Variants in KLC4 observed in about 807,000 individuals in gnomAD.
KLC4 encodes kinesin light chain 4.
Under a neutral mutation model 77.2 loss-of-function variants are expected in KLC4, and 49 were observed. The observed-to-expected ratio is 0.63, with a 90% CI of 0.50 to 0.80. The LOEUF (loss-of-function observed/expected upper bound fraction) is 0.80. Among genes scored for constraint, KLC4 ranks in the 30% least tolerant of loss-of-function variants. KLC4 has a pLI of 0.00. For missense variants in KLC4, 669 were observed against 793.5 expected, an observed-to-expected ratio of 0.84 and a Z score of 1.89; for synonymous variants, 274 against 314.5, an observed-to-expected ratio of 0.87 and a Z score of 1.36.
intron 1 of KLC4, chr6:43,059,957 C>T: frequency 7.5e-7 from 1 of 1,331,494 alleles, no homozygotes; most frequent in Non-Finnish European, 9.6e-7. Flanking sequence ...AGTCGTCCAT[C>T]CACACCTCCC....
chr6:43,066,956 C>G, intron 5 of KLC4, 40 bp from the exon 6 acceptor site: 1 of 1,587,652 alleles, frequency 6.3e-7, no homozygotes, highest in Non-Finnish European at 8.6e-7. Context: ...AGAAGGCTTG[C>G]GGGTTCAGGG....
At chr6:43,068,459 C>G (rs1232072559) in intron 6 of KLC4, among the ~76,000 whole-genome samples, 1 of 147,726 alleles carries the variant, frequency 6.8e-6, no homozygotes, top group Non-Finnish European at 1.5e-5. Context: ...GCAGCAAGAG[C>G]AAAACTCTGT....
intron 6 of KLC4, among the ~76,000 whole-genome samples, chr6:43,068,216 G>A (rs541110433): frequency 6.0e-5 from 9 of 151,042 alleles, no homozygotes; most frequent in African/African-American, 1.9e-4. Flanking sequence ...GCTCATGCCT[G>A]TAATCCCAGC....
intron 13 of KLC4, 115 bp from the exon 14 acceptor site, chr6:43,073,108 C>A: frequency 7.6e-7 from 1 of 1,320,846 alleles, no homozygotes; most frequent in Non-Finnish European, 1.0e-6. Context: ...ACTTTTATTT[C>A]CAGTCACTGG....
In KLC4 at chr6:43,067,769, A is replaced by G. The variant is rs566864588; in HGVS notation, c.879+686A>G. On this transcript the variant is annotated intron_variant, in intron 6 of 15. Coordinates refer to ENST00000347162, the MANE Select transcript of KLC4 (RefSeq NM_201521.3). ...GAGATCGTGCCATTGCACTCCAGCC[A>G]GGGTGACAGAGCGAGACTCCGTCTC... 2.4e-4 allele frequency among the ~76,000 whole-genome samples: 33 copies of G among 136,498 alleles called. No individual in the cohort carries two copies. In the South Asian group the frequency reaches 5.1e-3, roughly 21 times the overall value. The allele number at this position is 136,498 out of a possible 152,430, so 89.5% of individuals were successfully genotyped here.
At position 43,071,281 on chromosome 6, in the gene KLC4, T is replaced by TGTTACCTG. The variant is rs1332932894; in HGVS notation, c.1163_1170dup (p.Lys391ValfsTer3). On this transcript the variant is annotated frameshift_variant, in exon 9 of 16. Transcript: ENST00000347162. LOFTEE classifies it high-confidence loss of function. ...TTGCCTTTCTGTCCTCCAGGCTTCC[T>TGTTACCTG]GTTACCTGAAACAGGGCAAATATGC... 6.2e-6 allele frequency: 10 copies of TGTTACCTG among 1,612,490 alleles called. No individual in the cohort carries two copies. Among genetic ancestry groups the TGTTACCTG allele is most frequent in the Non-Finnish European group, 8.5e-6 (10 of 1,178,816 alleles).
At chr6:43,061,107 A>G in intron 1 of KLC4, 2 of 591,376 alleles carry the variant, frequency 3.4e-6, no homozygotes, top group Non-Finnish European at 6.0e-6. Context: ...AAGTCAGTTC[A>G]TCTCCCTCTC....
chr6:43,062,841 C>A, intron 2 of KLC4, 76 bp from the exon 3 acceptor site: 2 of 1,261,780 alleles, frequency 1.6e-6, no homozygotes, highest in Non-Finnish European at 2.3e-6. Flanking sequence ...CTTGCCACGT[C>A]CCAGTAGGCT....
At chr6:43,062,276 C>G (rs757849723) in intron 2 of KLC4, among the ~76,000 whole-genome samples, 9 of 152,248 alleles carry the variant, frequency 5.9e-5, no homozygotes, top group Non-Finnish European at 1.2e-4. Flanking sequence ...GACGGAGTCT[C>G]GCAGTGTTGC....
Position 43,070,350 on chromosome 6 carries a change from A to G in KLC4, c.880-4A>G. 6.2e-7 allele frequency: 1 copy of G among 1,611,844 alleles called. No homozygotes were observed. Among genetic ancestry groups the G allele is most frequent in the Non-Finnish European group, 8.5e-7 (1 of 1,177,984 alleles). ...GTCTGATGGGGACAGGCCTGTCTTC[A>G]TAGGTGGCTGCCACACTCAACAATT... On this transcript the variant is annotated splice_region_variant and splice_polypyrimidine_tract_variant and intron_variant, in intron 6 of 15. Coordinates refer to ENST00000347162, the MANE Select transcript of KLC4 (RefSeq NM_201521.3).
chr6:43,061,737 C>T, intron 2 of KLC4, 144 bp downstream of exon 2: 1 of 868,022 alleles, frequency 1.2e-6, no homozygotes, highest in Non-Finnish European at 1.7e-6. Flanking sequence ...TACTGTGTGC[C>T]AGAATGCTTT....
rs780892763 is a variant in KLC4 at position 43,072,820 on chromosome 6, C to T, written c.1489-4C>T. 3.7e-6 allele frequency: 6 copies of T among 1,613,694 alleles called. No individual in the cohort carries two copies. In the Admixed American group the frequency reaches 5.0e-5, roughly 13 times the overall value. ...AAGTCCCAGGTCCTTCCTTTTCCTT[C>T]CAGGGCACTGACCCTATCAGCCAGA... On this transcript the variant is annotated splice_region_variant and splice_polypyrimidine_tract_variant and intron_variant, in intron 12 of 15. Coordinates refer to ENST00000347162, the MANE Select transcript of KLC4 (RefSeq NM_201521.3).
intron 15 of KLC4, 84 bp downstream of exon 15, chr6:43,074,049 G>A: frequency 2.9e-6 from 3 of 1,037,226 alleles, no homozygotes; most frequent in Non-Finnish European, 4.3e-6. Context: ...AGGGAAGAGG[G>A]AAGGGAGAGG....
intron 3 of KLC4, 100 bp downstream of exon 3, chr6:43,063,247 A>C: frequency 2.4e-6 from 2 of 848,010 alleles, no homozygotes; most frequent in South Asian, 3.4e-5. Flanking sequence ...CATCAGCTCT[A>C]CCCAACCTGC....
At chr6:43,067,995 C>T (rs1302368321) in intron 6 of KLC4, among the ~76,000 whole-genome samples, 3 of 105,140 alleles carry the variant, frequency 2.9e-5, no homozygotes, top group Non-Finnish European at 5.2e-5. Context: ...GCCTGTAGTC[C>T]CAGCTGCTTG....
At chr6:43,065,479 T>C in intron 3 of KLC4, 141 bp from the exon 4 acceptor site, 1 of 598,464 alleles carries the variant, frequency 1.7e-6, no homozygotes, top group Non-Finnish European at 3.0e-6. Flanking sequence ...GGCCACTTGC[T>C]AGCCTTTCCA....
intron 1 of KLC4, chr6:43,060,036 T>A: frequency 6.9e-7 from 1 of 1,443,230 alleles, no homozygotes; most frequent in Non-Finnish European, 9.2e-7. Context: ...CCCGAGGCAC[T>A]CCTCTACTGC....
chr6:43,061,158 C>T, intron 1 of KLC4, 153 bp from the exon 2 acceptor site: 1 of 749,984 alleles, frequency 1.3e-6, no homozygotes, highest in Non-Finnish European at 2.2e-6. Context: ...GTGATCTAAG[C>T]TCCCTGCCTG....
chr6:43,065,401 A>C (rs542364417), intron 3 of KLC4: 3 of 492,216 alleles, frequency 6.1e-6, no homozygotes, highest in African/African-American at 5.8e-5. Flanking sequence ...TATGAGAAGG[A>C]GGGGAAGTCT....
Sources: allele counts gnomAD v4.1 joint callset (sites outside exome capture counted in the v4.1 genomes callset), GRCh38; gene constraint gnomAD v4.1.1; transcripts MANE v1.5; gene names NCBI Gene and HGNC (gene_info 2026-07-23, HGNC 2026-07-21).